The following ARHGEF18 variants were observed in gnomAD, a reference collection of about 807,000 sequenced individuals.
ARHGEF18 encodes the protein rho guanine nucleotide exchange factor 18.
In ARHGEF18, 93 loss-of-function variants were observed where a neutral mutation model predicts 155.7. That is an observed-to-expected ratio of 0.60 (90% CI 0.50 to 0.71). ARHGEF18 has a LOEUF of 0.71. ARHGEF18 is among the 30% of genes least tolerant of loss of function. The probability of loss-of-function intolerance (pLI) is 0.00; values close to 1 mark genes in which losing one functional copy is unlikely to be tolerated. For synonymous variants in ARHGEF18, 742 were observed against 753.1 expected (o/e 0.99, Z 0.24); for missense variants, 1,593 against 1,816.1 (o/e 0.88, Z 2.23).
At chr19:7,397,389 C>G (rs1447824782) in intron 10 of ARHGEF18, among the ~76,000 whole-genome samples, 1 of 151,962 alleles carries the variant, frequency 6.6e-6, no homozygotes, top group Non-Finnish European at 1.5e-5. Context: ...CCACAAACTC[C>G]CAAGTAGCTG....
At chr19:7,434,999 T>A (rs2145742056) in intron 10 of ARHGEF18, among the ~76,000 whole-genome samples, 1 of 152,302 alleles carries the variant, frequency 6.6e-6, no homozygotes, top group South Asian at 2.1e-4. Flanking sequence ...GTCAAGAGTT[T>A]GAGACCAGCT....
intron 10 of ARHGEF18, among the ~76,000 whole-genome samples, chr19:7,421,542 C>G (rs781317698): frequency 3.9e-5 from 6 of 152,110 alleles, no homozygotes; most frequent in Non-Finnish European, 8.8e-5. Flanking sequence ...AGGCAGATTA[C>G]CTGAGGTCAG....
chr19:7,379,256 G>T (rs1970611188), intron 7 of ARHGEF18, 90 bp downstream of exon 7: 1 of 1,148,998 alleles, frequency 8.7e-7, no homozygotes, highest in Non-Finnish European at 1.1e-6. Flanking sequence ...TAGGAGACAG[G>T]GGTAGAGAAG....
chr19:7,407,961 C>CAAAAAAAAAAAAA lies in ARHGEF18; in HGVS notation c.967+24772_967+24784dup, dbSNP rs71179104. ...TGGGCAACAGAGCGAGACTCCGTCT[C>CAAAAAAAAAAAAA]AAAAAAAAAAAAAAAAAAAAAAAAA... On this transcript the variant is annotated intron_variant, in intron 10 of 28. Coordinates refer to ENST00000668164, the MANE Select transcript of ARHGEF18 (RefSeq NM_001367823.1). Among the ~76,000 whole-genome samples, 61 of 48,826 alleles carry CAAAAAAAAAAAAA rather than the reference C, an allele frequency of 1.2e-3. 4 individuals carry two copies. The highest frequency in any genetic ancestry group is 6.1e-3 in the African/African-American group (59 of 9,616). The allele number at this position is 48,826 out of a possible 152,430, so 32.0% of individuals were successfully genotyped here. A position where few individuals can be genotyped will look rare whatever the true frequency, so the allele number is the denominator to read the frequency against.
intron 11 of ARHGEF18, among the ~76,000 whole-genome samples, chr19:7,441,422 C>T (rs1361118351): frequency 1.3e-5 from 2 of 152,082 alleles, no homozygotes; most frequent in South Asian, 2.1e-4. Context: ...TCAGGTGATC[C>T]TCCTGGCTTT....
At position 7,362,251 on chromosome 19, in the gene ARHGEF18, GAGGAAGAAGAA is replaced by G. The variant is rs1477422170; in HGVS notation, c.-110-520_-110-510del. ...AGGAAGAAGAAGACAAGAAGAGGAA[GAGGAAGAAGAA>G]AGGAAGAAGGAAGGAGAAGAAGAGG... is the stretch of plus-strand genomic sequence containing the variant. On this transcript the variant is annotated intron_variant, in intron 1 of 28. Coordinates refer to ENST00000668164, the MANE Select transcript of ARHGEF18 (RefSeq NM_001367823.1). 1.3e-4 allele frequency among the ~76,000 whole-genome samples: 20 copies of G among 151,094 alleles called. No individual in the cohort carries two copies. In the South Asian group the frequency reaches 3.6e-3, roughly 27 times the overall value.
chr19:7,391,155 A>G (rs568372702), intron 10 of ARHGEF18, among the ~76,000 whole-genome samples: 82 of 152,272 alleles, frequency 5.4e-4, no homozygotes, highest in African/African-American at 1.8e-3. Flanking sequence ...CAAAACACCC[A>G]TGTCTCATTC....
At chr19:7,413,914 G>C (rs987541676) in intron 10 of ARHGEF18, among the ~76,000 whole-genome samples, 2 of 152,138 alleles carry the variant, frequency 1.3e-5, no homozygotes, top group Admixed American at 1.3e-4. Context: ...CATTTAACTT[G>C]TAATTTGGGA....
chr19:7,456,437 C>CTGGG, intron 18 of ARHGEF18, 34 bp downstream of exon 18: 1 of 1,600,648 alleles, frequency 6.2e-7, no homozygotes, highest in Non-Finnish European at 8.6e-7. Context: ...GAAGGGTCGG[C>CTGGG]TGGGTGCTGT....
rs190558437 is a variant in ARHGEF18, at chr19:7,453,489, C to A, written c.1878C>A (p.Asp626Glu). ...NTEAGTEDYEDLTQALNLIKD... is the reference protein window; with the variant it reads ...NTEAGTEDYEELTQALNLIKD... ...CAGCTGGCACTGAGGACTATGAAGA[C>A]CTGACCCAGGCCTTGAACCTCATCA... The change falls in exon 17 of 29, where the codon GAC becomes GAA. Residue 626 changes from aspartate to glutamate, a missense_variant. Coordinates refer to ENST00000668164, the MANE Select transcript of ARHGEF18 (RefSeq NM_001367823.1). 39 of 1,610,466 alleles carry A rather than the reference C, an allele frequency of 2.4e-5. No individual in the cohort carries two copies. The East Asian group carries it at 7.8e-4, about 32-fold the overall frequency.
At chr19:7,434,081 G>A (rs1807873854) in intron 10 of ARHGEF18, among the ~76,000 whole-genome samples, 1 of 151,016 alleles carries the variant, frequency 6.6e-6, no homozygotes, top group South Asian at 2.1e-4. Context: ...AAGTAATGCA[G>A]GTGGGATCCT....
intron 10 of ARHGEF18, among the ~76,000 whole-genome samples, chr19:7,429,461 G>C (rs1834400565): frequency 6.6e-6 from 1 of 152,138 alleles, no homozygotes; most frequent in Non-Finnish European, 1.5e-5. Flanking sequence ...AAATTACCTA[G>C]GTGTGGTGGC....
chr19:7,478,448 G>A, the ARHGEF18 span: 21 of 1,468,628 alleles, frequency 1.4e-5, no homozygotes, highest in Middle Eastern at 3.6e-4. Flanking sequence ...CGCTGGCCCC[G>A]GACATACAGT....
Position 7,372,991 on chromosome 19 carries a change from C to T in ARHGEF18, c.195C>T (p.Phe65=). Residue 65 remains phenylalanine (F), a synonymous_variant, in exon 3 of 29, where the codon TTC becomes TTT. Coordinates refer to ENST00000668164, the MANE Select transcript of ARHGEF18 (RefSeq NM_001367823.1). ...AAGAACCAGGAAGAGATTCTCTTTT[C>T]TCCAGCTTGGCAGGGTCCCAAGACC... is the stretch of plus-strand genomic sequence containing the variant. The part of the protein sequence containing the change: ...TGEEPGRDSL[F]SSLAGSQDLS... The T allele has an allele frequency of 8.1e-7, 1 of 1,234,482 alleles. No homozygotes were observed. Among genetic ancestry groups the T allele is most frequent in the Non-Finnish European group, 1.0e-6 (1 of 988,244 alleles). The allele number at this position is 1,234,482 out of a possible 1,614,324, so 76.5% of individuals were successfully genotyped here. A position where few individuals can be genotyped will look rare whatever the true frequency, so the allele number is the denominator to read the frequency against.
In ARHGEF18 at chr19:7,375,734, C is replaced by G; in HGVS notation, c.290C>G (p.Ala97Gly). ...SESWRRLSLD[A>G]SAVDEEPCLP... The stretch of plus-strand genomic sequence containing the variant: ...TTCTCCACTAGGCTCAGCCTCGATG[C>G]CTCAGCTGTGGATGAGGAACCCTGT... The change falls in exon 4 of 29, where the codon GCC (alanine) becomes GGC (glycine). Residue 97 changes from alanine to glycine, a missense_variant. Ala to Gly is a moderately conservative substitution (Grantham distance 60). Coordinates refer to ENST00000668164, the MANE Select transcript of ARHGEF18 (RefSeq NM_001367823.1). The G allele has an allele frequency of 8.1e-7, 1 of 1,234,460 alleles. No individual in the cohort carries two copies. The highest frequency in any genetic ancestry group is 1.0e-6 in the Non-Finnish European group (1 of 988,250). 76.5% of individuals were successfully genotyped at this position (1,234,460 alleles called of 1,614,324 possible).
intron 10 of ARHGEF18, among the ~76,000 whole-genome samples, chr19:7,432,785 A>G (rs1974036785): frequency 6.6e-6 from 1 of 152,250 alleles, no homozygotes; most frequent in Non-Finnish European, 1.5e-5. Flanking sequence ...TCTTGCTTAC[A>G]AATTGGCATT....
chr19:7,465,961 G>A (rs1242991743), intron 23 of ARHGEF18, among the ~76,000 whole-genome samples: 1 of 152,064 alleles, frequency 6.6e-6, no homozygotes, highest in Non-Finnish European at 1.5e-5. Context: ...GTGGATACCT[G>A]TAATCCCAGC....
chr19:7,377,455 G>A (rs1970513581), intron 5 of ARHGEF18, among the ~76,000 whole-genome samples: 1 of 152,096 alleles, frequency 6.6e-6, no homozygotes, highest in African/African-American at 2.4e-5. Context: ...CAAACCTGGA[G>A]TCTAAACACA....
At chr19:7,429,679 G>A (rs759126999) in intron 10 of ARHGEF18, among the ~76,000 whole-genome samples, 3 of 152,130 alleles carry the variant, frequency 2.0e-5, no homozygotes, top group Non-Finnish European at 4.4e-5. Flanking sequence ...TGCAAGAGAA[G>A]TCATCATCCC....
Sources: allele counts gnomAD v4.1 joint callset (sites outside exome capture counted in the v4.1 genomes callset), GRCh38; gene constraint gnomAD v4.1.1; transcripts MANE v1.5; gene names NCBI Gene and HGNC (gene_info 2026-07-23, HGNC 2026-07-21).